Variants in NDUFS4 observed in about 807,000 individuals in gnomAD.
The protein encoded by NDUFS4 is NADH dehydrogenase [ubiquinone] iron-sulfur protein 4, mitochondrial.
In NDUFS4, 28 loss-of-function variants were observed where a neutral mutation model predicts 24.3. The ratio of observed to expected loss-of-function variants is 1.15; its 90% CI spans 0.85 to 1.58. NDUFS4 has a LOEUF of 1.58. Among genes scored for constraint, NDUFS4 ranks in the 40% most tolerant of loss-of-function variants. The pLI is 0.00. For missense variants in NDUFS4, 223 were observed against 207.9 expected (o/e 1.07, Z -0.45); for synonymous variants, 93 against 69.7 (o/e 1.34, Z -1.67).
chr5:53,647,333 A>T (rs1191216421), intron 3 of NDUFS4, among the ~76,000 whole-genome samples: 1 of 151,948 alleles, frequency 6.6e-6, no homozygotes, highest in African/African-American at 2.4e-5. Flanking sequence ...TCCCACCTTA[A>T]TCCCCCAAGT....
intron 1 of NDUFS4, among the ~76,000 whole-genome samples, chr5:53,572,657 T>TG (rs1185025605): frequency 6.6e-6 from 1 of 151,956 alleles, no homozygotes. Context: ...AAGTTTTTTT[T>TG]TTTTTTGGCG....
intron 1 of NDUFS4, among the ~76,000 whole-genome samples, chr5:53,564,645 C>A (rs1748961307): frequency 6.6e-6 from 1 of 152,096 alleles, no homozygotes; most frequent in Admixed American, 6.5e-5. Flanking sequence ...CTCAGGTGAT[C>A]CTCCTGCCTT....
intron 1 of NDUFS4, among the ~76,000 whole-genome samples, chr5:53,585,737 C>T (rs1368534306): frequency 2.7e-5 from 4 of 149,238 alleles, no homozygotes; most frequent in Non-Finnish European, 5.9e-5. Context: ...AGCGTAACTC[C>T]GTCTCAAAAA....
intron 1 of NDUFS4, among the ~76,000 whole-genome samples, chr5:53,582,681 A>G (rs1031670101): frequency 6.6e-6 from 1 of 152,232 alleles, no homozygotes; most frequent in African/African-American, 2.4e-5. Context: ...ACTATGCTTC[A>G]TCATGATGGC....
intron 1 of NDUFS4, among the ~76,000 whole-genome samples, chr5:53,595,129 G>A (rs1750094158): frequency 6.6e-6 from 1 of 152,064 alleles, no homozygotes; most frequent in Non-Finnish European, 1.5e-5. Context: ...TTTGTTTAAT[G>A]TATATGTCTG....
At chr5:53,682,086 C>T (rs1740686066) in intron 4 of NDUFS4, among the ~76,000 whole-genome samples, 2 of 151,898 alleles carry the variant, frequency 1.3e-5, no homozygotes, top group Admixed American at 6.6e-5. Context: ...TGAATAAAGT[C>T]CTGAGAGAAG....
chr5:53,626,246 A>G (rs989991203), intron 2 of NDUFS4, among the ~76,000 whole-genome samples: 1 of 152,150 alleles, frequency 6.6e-6, no homozygotes, highest in African/African-American at 2.4e-5. Flanking sequence ...ATAGTATTCC[A>G]TGGTGTATAT....
intron 3 of NDUFS4, among the ~76,000 whole-genome samples, chr5:53,651,737 G>C (rs947434598): frequency 6.7e-6 from 1 of 150,080 alleles, no homozygotes; most frequent in South Asian, 2.1e-4. Context: ...AAGCCACAAG[G>C]TTTCCTAATT....
chr5:53,681,168 A>AAGAG (rs1447816800), intron 4 of NDUFS4, among the ~76,000 whole-genome samples: 1 of 152,084 alleles, frequency 6.6e-6, no homozygotes, highest in African/African-American at 2.4e-5. Context: ...TATAAACCAC[A>AAGAG]AGAGACAATG....
At chr5:53,622,482 C>T (rs1751077668) in intron 2 of NDUFS4, among the ~76,000 whole-genome samples, 1 of 152,048 alleles carries the variant, frequency 6.6e-6, no homozygotes. Context: ...TGAGCTTTGT[C>T]ATATCTCTTC....
intron 2 of NDUFS4, among the ~76,000 whole-genome samples, chr5:53,631,316 G>C (rs1222562637): frequency 2.6e-5 from 4 of 152,198 alleles, no homozygotes; most frequent in Admixed American, 6.5e-5. Context: ...TGAGGTGTCT[G>C]TCGGCCCCTA....
In NDUFS4 at chr5:53,621,850, C is replaced by T. The variant is rs1345617597; in HGVS notation, c.177+18320C>T. Among the ~76,000 whole-genome samples, 17 of 151,622 alleles carry T rather than the reference C, an allele frequency of 1.1e-4. 1 individual carries two copies. In the South Asian group the frequency reaches 2.3e-3, roughly 20 times the overall value. On this transcript the variant is annotated intron_variant, in intron 2 of 4. Transcript: ENST00000296684. ...CCGTGTAGCTGGGACTACAGGCGTG[C>T]GCCACCATGCCCGGCTAATTTTTGT...
chr5:53,667,618 C>T (rs74974882), intron 4 of NDUFS4, among the ~76,000 whole-genome samples: 3,715 of 152,022 alleles, frequency 0.024, 64 homozygotes, highest in Non-Finnish European at 0.038. Context: ...CCTATCCCCA[C>T]AACTAAAATC....
At chr5:53,572,065 G>C (rs1749226544) in intron 1 of NDUFS4, among the ~76,000 whole-genome samples, 1 of 152,168 alleles carries the variant, frequency 6.6e-6, no homozygotes, top group Non-Finnish European at 1.5e-5. Context: ...TTCATAAGGA[G>C]ATAAATATCC....
chr5:53,608,172 G>A (rs531551206), intron 2 of NDUFS4, among the ~76,000 whole-genome samples: 40 of 152,220 alleles, frequency 2.6e-4, no homozygotes, highest in African/African-American at 9.6e-4. Flanking sequence ...ACTGAGGTCT[G>A]CTAAGTGTGC....
intron 2 of NDUFS4, among the ~76,000 whole-genome samples, chr5:53,614,284 A>G (rs1173704297): frequency 4.6e-5 from 7 of 152,024 alleles, no homozygotes; most frequent in East Asian, 1.9e-4. Flanking sequence ...TTGAAATGCT[A>G]TTTTTATGTA....
intron 2 of NDUFS4, among the ~76,000 whole-genome samples, chr5:53,640,963 C>A (rs943693522): frequency 2.0e-5 from 3 of 152,074 alleles, no homozygotes; most frequent in Non-Finnish European, 4.4e-5. Context: ...TTATTACAAA[C>A]TTCCCTGAGA....
At chr5:53,680,838 T>TATA (rs1008434499) in intron 4 of NDUFS4, among the ~76,000 whole-genome samples, 1 of 151,802 alleles carries the variant, frequency 6.6e-6, no homozygotes, top group Non-Finnish European at 1.5e-5. Flanking sequence ...TAAAACTTAG[T>TATA]ATAATAATAA....
chr5:53,583,901 CATA>C (rs1749655557), intron 1 of NDUFS4, among the ~76,000 whole-genome samples: 1 of 152,270 alleles, frequency 6.6e-6, no homozygotes, highest in South Asian at 2.1e-4. Flanking sequence ...CTGTACTGCA[CATA>C]ATAAGTACAA....
Sources: gnomAD v4.1 joint callset for allele counts (sites outside exome capture counted in the v4.1 genomes callset) on GRCh38, gnomAD v4.1.1 for gene constraint, MANE v1.5 for transcripts, NCBI Gene and HGNC (gene_info 2026-07-23, HGNC 2026-07-21) for gene names.